Variants in PDGFRL observed in about 807,000 individuals in gnomAD.
PDGFRL encodes the protein platelet-derived growth factor receptor-like protein.
A neutral mutation model predicts 37.2 loss-of-function variants in PDGFRL; 46 were observed. That is an observed-to-expected ratio of 1.24 (90% CI 0.98 to 1.58). PDGFRL has a LOEUF of 1.58. PDGFRL is among the 40% of genes most tolerant of loss of function. PDGFRL has a pLI of 0.00. For synonymous variants in PDGFRL, 251 were observed against 184.3 expected (o/e 1.36, Z -2.93); for missense variants, 692 against 467.6 (o/e 1.48, Z -4.43).
At chr8:17,605,665 ATGT>A (rs768134460) in intron 2 of PDGFRL, among the ~76,000 whole-genome samples, 50 of 152,202 alleles carry the variant, frequency 3.3e-4, no homozygotes, top group Admixed American at 3.3e-4. Context: ...GATTTCAGCT[ATGT>A]TGTCAGCAAC....
intron 5 of PDGFRL, among the ~76,000 whole-genome samples, chr8:17,640,992 G>A (rs1386161024): frequency 1.3e-5 from 2 of 152,046 alleles, no homozygotes; most frequent in Non-Finnish European, 2.9e-5. Flanking sequence ...GGCCAATGGG[G>A]TTATGTTCCT....
At chr8:17,611,760 G>A (rs1481529206) in intron 2 of PDGFRL, among the ~76,000 whole-genome samples, 1 of 152,194 alleles carries the variant, frequency 6.6e-6, no homozygotes, top group Non-Finnish European at 1.5e-5. Context: ...ATGATAAAAT[G>A]ATTTTCAGGA....
intron 3 of PDGFRL, among the ~76,000 whole-genome samples, chr8:17,622,390 C>G (rs1417030180): frequency 6.6e-6 from 1 of 152,208 alleles, no homozygotes; most frequent in Non-Finnish European, 1.5e-5. Flanking sequence ...CTTGAATCCA[C>G]CTACCTTTCA....
intron 2 of PDGFRL, chr8:17,596,341 G>A: frequency 8.1e-7 from 1 of 1,238,870 alleles, no homozygotes; most frequent in Admixed American, 3.7e-5. Context: ...TAACTCCGTG[G>A]GAAGAAGCCA....
At chr8:17,623,873 C>CAA (rs67846013) in intron 3 of PDGFRL, among the ~76,000 whole-genome samples, 17,225 of 141,910 alleles carry the variant, frequency 0.12, 1,184 homozygotes, top group Non-Finnish European at 0.16. Context: ...GACTTTACCT[C>CAA]AAAAAAAAAA....
At chr8:17,601,381 G>A (rs1804162387) in intron 2 of PDGFRL, among the ~76,000 whole-genome samples, 1 of 152,152 alleles carries the variant, frequency 6.6e-6, no homozygotes, top group South Asian at 2.1e-4. Flanking sequence ...TGTGACCTGA[G>A]ACTCTGGGAG....
intron 2 of PDGFRL, among the ~76,000 whole-genome samples, chr8:17,618,205 C>A (rs773034349): frequency 6.6e-6 from 1 of 152,106 alleles, no homozygotes; most frequent in East Asian, 1.9e-4. Context: ...ACTACATGCA[C>A]ACTACCATGC....
chr8:17,596,624 G>A (rs2705041), intron 2 of PDGFRL, among the ~76,000 whole-genome samples: 21,991 of 152,106 alleles, frequency 0.14, 4,244 homozygotes, highest in African/African-American at 0.43. Context: ...TAAAGTGAGC[G>A]TTAATCTGAA....
chr8:17,583,997 G>A (rs531840071), intron 1 of PDGFRL, among the ~76,000 whole-genome samples: 4 of 152,278 alleles, frequency 2.6e-5, no homozygotes, highest in Non-Finnish European at 5.9e-5. Context: ...ATAGACGGCC[G>A]AAGGAGTGAT....
At chr8:17,582,533 G>C (rs1047307494) in intron 1 of PDGFRL, among the ~76,000 whole-genome samples, 1 of 145,282 alleles carries the variant, frequency 6.9e-6, no homozygotes, top group African/African-American at 2.6e-5. Context: ...AGTGAGCTGA[G>C]ATCAGGCCAC....
intron 1 of PDGFRL, among the ~76,000 whole-genome samples, chr8:17,579,410 A>T (rs1803658291): frequency 6.6e-6 from 1 of 152,066 alleles, no homozygotes; most frequent in African/African-American, 2.4e-5. Context: ...CTGGTCTCAG[A>T]TTGGCAGGTT....
intron 1 of PDGFRL, among the ~76,000 whole-genome samples, chr8:17,589,251 C>T (rs1424500097): frequency 6.6e-6 from 1 of 151,844 alleles, no homozygotes; most frequent in Non-Finnish European, 1.5e-5. Context: ...TTGGGTGTGG[C>T]GGCGGGCACC....
chr8:17,577,971 T>C (rs999697551), intron 1 of PDGFRL, among the ~76,000 whole-genome samples: 4 of 152,060 alleles, frequency 2.6e-5, no homozygotes, highest in Admixed American at 2.0e-4. Flanking sequence ...CCATGACCGC[T>C]GCGCGTTTTT....
At chr8:17,633,519 A>G (rs1009332727) in intron 4 of PDGFRL, among the ~76,000 whole-genome samples, 1 of 152,176 alleles carries the variant, frequency 6.6e-6, no homozygotes, top group Non-Finnish European at 1.5e-5. Flanking sequence ...CAGAGACCCC[A>G]TTTCTAAATA....
intron 5 of PDGFRL, among the ~76,000 whole-genome samples, chr8:17,639,618 G>C (rs899054292): frequency 2.0e-5 from 3 of 152,124 alleles, no homozygotes; most frequent in Admixed American, 1.3e-4. Flanking sequence ...ATTTCTTCTA[G>C]CTTGTAGGGT....
chr8:17,593,888 C>CAAA (rs376718770), intron 2 of PDGFRL, among the ~76,000 whole-genome samples: 6 of 145,482 alleles, frequency 4.1e-5, no homozygotes, highest in African/African-American at 7.9e-5. Context: ...AACTCCATCT[C>CAAA]AAAAAAAAAA....
At chr8:17,614,610 C>T (rs1804486805) in intron 2 of PDGFRL, among the ~76,000 whole-genome samples, 1 of 152,074 alleles carries the variant, frequency 6.6e-6, no homozygotes, top group African/African-American at 2.4e-5. Context: ...ACAAGGTCTC[C>T]CTCTGTTGCC....
rs897008248 is a variant in PDGFRL, at chr8:17,600,812, A to C, written c.353+11047A>C. On this transcript the variant is annotated intron_variant, in intron 2 of 5. Coordinates refer to ENST00000251630, the MANE Select transcript of PDGFRL (RefSeq NM_001372073.1). Reference sequence around the variant, plus strand: ...GCAAGACCCCATCTCTAAAAAAAAAAAACAAAAAAACCTCTAAAAATTAGC... The same window carrying C: ...GCAAGACCCCATCTCTAAAAAAAAACAACAAAAAAACCTCTAAAAATTAGC... 2.9e-5 allele frequency among the ~76,000 whole-genome samples: 4 copies of C among 139,458 alleles called. No homozygotes were observed. In the East Asian group the frequency reaches 5.9e-4, roughly 21 times the overall value. The allele number at this position is 139,458 out of a possible 152,430, so 91.5% of individuals were successfully genotyped here. A position where few individuals can be genotyped will look rare whatever the true frequency, so the allele number is the denominator to read the frequency against.
At chr8:17,609,267 G>GTTGGT (rs1347685175) in intron 2 of PDGFRL, among the ~76,000 whole-genome samples, 1 of 151,888 alleles carries the variant, frequency 6.6e-6, no homozygotes, top group Non-Finnish European at 1.5e-5. Flanking sequence ...ACCACTTTGG[G>GTTGGT]TGGCTGAGGC....
Sources: allele counts gnomAD v4.1 joint callset (sites outside exome capture counted in the v4.1 genomes callset), GRCh38; gene constraint gnomAD v4.1.1; transcripts MANE v1.5; gene names NCBI Gene and HGNC (gene_info 2026-07-23, HGNC 2026-07-21).